The following LGALS13 variants were observed in gnomAD, a reference collection of about 807,000 sequenced individuals.
The protein encoded by LGALS13 is galactoside-binding soluble lectin 13.
Under a neutral mutation model 13.2 loss-of-function variants are expected in LGALS13, and 11 were observed. The observed-to-expected ratio is 0.83, with a 90% confidence interval of 0.52 to 1.38. The LOEUF (loss-of-function observed/expected upper bound fraction) is 1.38, where lower values mean the gene tolerates loss of function less well. LGALS13 is among the 40% of genes most tolerant of loss of function. The pLI is 0.00. For synonymous variants in LGALS13, 71 were observed against 63.7 expected (o/e 1.11, Z -0.54); for missense variants, 183 against 174.3 (o/e 1.05, Z -0.28).
intron 1 of LGALS13, among the ~76,000 whole-genome samples, chr19:39,603,149 C>T (rs1374150522): frequency 5.3e-5 from 8 of 152,152 alleles, no homozygotes; most frequent in African/African-American, 1.9e-4. Context: ...TCCCATGTGG[C>T]TTAACTGGTG....
In LGALS13 at chr19:39,604,423, C is replaced by G. The variant is rs573390821; in HGVS notation, c.16-179C>G. Among the ~76,000 whole-genome samples, 7 of 152,292 alleles carry G rather than the reference C, an allele frequency of 4.6e-5. No individual in the cohort carries two copies. The East Asian group carries it at 9.7e-4, about 21-fold the overall frequency. On this transcript the variant is annotated intron_variant, in intron 1 of 3. Coordinates refer to ENST00000221797, the MANE Select transcript of LGALS13 (RefSeq NM_013268.3). ...GCATCCTGGCTCCTGAACCCTTGCT[C>G]TAACTTATGGGTCCGCCATATCTTC...
chr19:39,605,411 G>A (rs763458693), intron 3 of LGALS13, 23 bp downstream of exon 3: 1 of 1,601,596 alleles, frequency 6.2e-7, no homozygotes, highest in South Asian at 1.1e-5. Context: ...GGAGCTCCCA[G>A]CACCCAGGCT....
chr19:39,605,704 G>GA (rs1466824775), intron 3 of LGALS13, among the ~76,000 whole-genome samples: 1 of 150,418 alleles, frequency 6.6e-6, no homozygotes, highest in South Asian at 2.1e-4. Flanking sequence ...TATACTTCAG[G>GA]AAAAAAAAGT....
At chr19:39,606,643 T>C (rs1276174709) in intron 3 of LGALS13, among the ~76,000 whole-genome samples, 8 of 152,230 alleles carry the variant, frequency 5.3e-5, no homozygotes, top group African/African-American at 1.9e-4. Context: ...AACATTCACA[T>C]CTTATTCAGA....
At chr19:39,603,585 C>T (rs539185226) in intron 1 of LGALS13, among the ~76,000 whole-genome samples, 2 of 152,010 alleles carry the variant, frequency 1.3e-5, no homozygotes, top group African/African-American at 2.4e-5. Flanking sequence ...GGTTCACTGG[C>T]TTATGGCTAT....
chr19:39,605,693 A>G (rs1972678142), intron 3 of LGALS13, among the ~76,000 whole-genome samples: 1 of 152,088 alleles, frequency 6.6e-6, no homozygotes, highest in Admixed American at 6.5e-5. Flanking sequence ...AGTGAATACA[A>G]TATACTTCAG....
chr19:39,602,530 CTG>C lies in LGALS13; in HGVS notation c.-38_-37del. 6.2e-7 allele frequency: 1 copy of C among 1,609,036 alleles called. No individual in the cohort carries two copies. The highest frequency in any genetic ancestry group is 8.5e-7 in the Non-Finnish European group (1 of 1,175,350). On this transcript the variant is annotated 5_prime_UTR_variant, in exon 1 of 4. Coordinates refer to ENST00000221797, the MANE Select transcript of LGALS13 (RefSeq NM_013268.3). The stretch of plus-strand genomic sequence containing the variant: ...GCAACTCAGAGATTCACTCAGAAGA[CTG>C]GACTCAATTCTGAAGGTCGCCAAGA...
chr19:39,605,059 T>G, intron 2 of LGALS13, 119 bp from the exon 3 acceptor site: 2 of 852,454 alleles, frequency 2.3e-6, no homozygotes, highest in Non-Finnish European at 2.0e-6. Flanking sequence ...GACCTGGCCA[T>G]CAGTATTATC....
chr19:39,602,617 G>A lies in LGALS13; in HGVS notation c.15+34G>A, dbSNP rs200245771. On this transcript the variant is annotated intron_variant, in intron 1 of 3. Coordinates refer to ENST00000221797, the MANE Select transcript of LGALS13 (RefSeq NM_013268.3). The stretch of plus-strand genomic sequence containing the variant: ...AAAAGGCACAGCCTTCAAAAATTTC[G>A]TGTCACACAAACCAAGAAAGAAATG... The A allele has an allele frequency of 3.7e-5, 60 of 1,610,404 alleles. No individual in the cohort carries two copies. The East Asian group carries it at 9.8e-4, about 26-fold the overall frequency.
chr19:39,604,722 G>T, intron 2 of LGALS13, 44 bp downstream of exon 2: 2 of 1,606,712 alleles, frequency 1.2e-6, no homozygotes, highest in Non-Finnish European at 1.7e-6. Context: ...GAAGAAGGGA[G>T]AATATTTGCG....
In LGALS13 at chr19:39,603,004, C is replaced by T. The variant is rs546601577; in HGVS notation, c.15+421C>T. Among the ~76,000 whole-genome samples the T allele has an allele frequency of 5.9e-5, 9 of 152,188 alleles. No individual in the cohort carries two copies. In the East Asian group the frequency reaches 9.6e-4, roughly 16 times the overall value. ...GTGCACAGTGAGCAGGTGTGTGTGA[C>T]GCAGTGAGTGGTGTGGCTCTGTGTG... On this transcript the variant is annotated intron_variant, in intron 1 of 3. Transcript: ENST00000221797.
intron 3 of LGALS13, 22 bp from the exon 4 acceptor site, chr19:39,607,201 T>G (rs1481280699): frequency 6.4e-7 from 1 of 1,573,978 alleles, no homozygotes; most frequent in South Asian, 1.1e-5. Flanking sequence ...GCTTTCTTTC[T>G]GATGCATTTT....
chr19:39,603,557 TA>T (rs1228178529), intron 1 of LGALS13, among the ~76,000 whole-genome samples: 1 of 151,718 alleles, frequency 6.6e-6, no homozygotes, highest in East Asian at 2.0e-4. Flanking sequence ...CAGTGGATAT[TA>T]ATCAACCAAG....
chr19:39,604,701 G>C (rs768374126), intron 2 of LGALS13, 23 bp downstream of exon 2: 13 of 1,612,784 alleles, frequency 8.1e-6, no homozygotes, highest in Non-Finnish European at 1.1e-5. Context: ...TGGTCCAATG[G>C]AGGGGTTGGA....
intron 3 of LGALS13, among the ~76,000 whole-genome samples, chr19:39,606,749 G>T (rs1297834055): frequency 6.6e-6 from 1 of 152,198 alleles, no homozygotes; most frequent in Non-Finnish European, 1.5e-5. Context: ...AGAACCCTGG[G>T]TTTCCTTCTT....
chr19:39,604,736 A>T, intron 2 of LGALS13, 58 bp downstream of exon 2: 3 of 1,595,946 alleles, frequency 1.9e-6, no homozygotes, highest in Non-Finnish European at 2.6e-6. Context: ...ATTTGCGAAG[A>T]TTTGACCTTA....
rs1315528172 is a variant in LGALS13, at chr19:39,604,742, C to A, written c.92+64C>A. 2.5e-6 allele frequency: 4 copies of A among 1,583,178 alleles called. No individual in the cohort carries two copies. In the African/African-American group the frequency reaches 5.4e-5, roughly 21 times the overall value. ...AGGGAGAATATTTGCGAAGATTTGACCTTACATGTGGGTGATGTGGAAATG... is the reference window on the plus strand; with the variant it reads ...AGGGAGAATATTTGCGAAGATTTGAACTTACATGTGGGTGATGTGGAAATG... On this transcript the variant is annotated intron_variant, in intron 2 of 3. Coordinates refer to ENST00000221797, the MANE Select transcript of LGALS13 (RefSeq NM_013268.3).
Position 39,604,693 on chromosome 19 carries a change from G to T in LGALS13, c.92+15G>T. 6.2e-7 allele frequency: 1 copy of T among 1,613,776 alleles called. No individual in the cohort carries two copies. The highest frequency in any genetic ancestry group is 8.5e-7 in the Non-Finnish European group (1 of 1,179,620). On this transcript the variant is annotated intron_variant, in intron 2 of 3. Transcript: ENST00000221797. ...CACTCTTTTATGTGAGTACTCCATG[G>T]TCCAATGGAGGGGTTGGAGAAGAAG...
intron 1 of LGALS13, among the ~76,000 whole-genome samples, chr19:39,603,763 A>G (rs1972637549): frequency 6.6e-6 from 1 of 152,122 alleles, no homozygotes; most frequent in South Asian, 2.1e-4. Flanking sequence ...GATGTGTGAG[A>G]TTCACTGCAG....
Sources: allele counts gnomAD v4.1 joint callset (sites outside exome capture counted in the v4.1 genomes callset), GRCh38; gene constraint gnomAD v4.1.1; transcripts MANE v1.5; gene names NCBI Gene and HGNC (gene_info 2026-07-23, HGNC 2026-07-21).